AGMO: variants seen among roughly 807,000 people sequenced by gnomAD.
The protein encoded by AGMO is alkylglycerol monooxygenase.
A neutral mutation model predicts 60.2 loss-of-function variants in AGMO; 75 were observed. That is an observed-to-expected ratio of 1.25 (90% CI 1.03 to 1.51). AGMO has a LOEUF of 1.51. Among genes scored for constraint, AGMO ranks in the 40% most tolerant of loss-of-function variants. The pLI is 0.00. For synonymous variants in AGMO, 261 were observed against 177.1 expected, an observed-to-expected ratio of 1.47 and a Z score of -3.76; for missense variants, 763 against 525.5, an observed-to-expected ratio of 1.45 and a Z score of -4.42.
chr7:15,486,364 AC>A (rs1481481143), intron 3 of AGMO, among the ~76,000 whole-genome samples: 2 of 152,226 alleles, frequency 1.3e-5, no homozygotes, highest in East Asian at 1.9e-4. Context: ...TATTAAAAAA[AC>A]ATATTTTCTC....
Position 15,355,230 on chromosome 7 carries a change from C to T in AGMO, c.1263+10284G>A, listed in dbSNP as rs1307810423. The stretch of plus-strand genomic sequence containing the variant: ...TAAAGAAGCCAATATTGGCTGGGCA[C>T]GGTGGCTCACGTCTATAATTCCAGC... On this transcript the variant is annotated intron_variant, in intron 12 of 12. Transcript: ENST00000342526. Among the ~76,000 whole-genome samples the T allele has an allele frequency of 3.3e-5, 5 of 152,002 alleles. No individual in the cohort carries two copies. In the South Asian group the frequency reaches 6.2e-4, roughly 19 times the overall value.
At chr7:15,527,312 G>A (rs1784153168) in intron 3 of AGMO, among the ~76,000 whole-genome samples, 1 of 152,156 alleles carries the variant, frequency 6.6e-6, no homozygotes, top group Non-Finnish European at 1.5e-5. Flanking sequence ...TGATAAGAAA[G>A]CAAAACAGCC....
At chr7:15,137,299 GT>G in the AGMO span, among the ~76,000 whole-genome samples, 1 of 152,032 alleles carries the variant, frequency 6.6e-6, no homozygotes, top group African/African-American at 2.4e-5. Context: ...TTTTTTATAC[GT>G]TTTCCTCAGA....
chr7:15,531,084 ATATATATATTCTATATATATTC>A (rs1252930527), intron 3 of AGMO, among the ~76,000 whole-genome samples: 187 of 5,636 alleles, frequency 0.033, 17 homozygotes, highest in Admixed American at 0.055. Flanking sequence ...TATATATTCT[ATATATATATTCTATATATATTC>A]TATATATATT....
At chr7:15,217,288 T>A (rs1024620100) in intron 12 of AGMO, among the ~76,000 whole-genome samples, 3 of 152,080 alleles carry the variant, frequency 2.0e-5, no homozygotes, top group African/African-American at 7.2e-5. Context: ...CCCAGGGATA[T>A]TGACAATCTC....
the AGMO span, among the ~76,000 whole-genome samples, chr7:15,190,073 CCA>C: frequency 4.1e-3 from 496 of 121,310 alleles, 41 homozygotes; most frequent in African/African-American, 6.5e-3. Flanking sequence ...TTTTTAAGTG[CCA>C]TATATATATA....
intron 12 of AGMO, among the ~76,000 whole-genome samples, chr7:15,355,851 C>T (rs1377274497): frequency 6.6e-6 from 1 of 151,936 alleles, no homozygotes; most frequent in Non-Finnish European, 1.5e-5. Flanking sequence ...TTTCAATAAA[C>T]ATAAATGACA....
chr7:15,136,007 T>C, the AGMO span, among the ~76,000 whole-genome samples: 1 of 150,332 alleles, frequency 6.7e-6, no homozygotes, highest in Non-Finnish European at 1.5e-5. Context: ...GTTTTTTGTT[T>C]TTTGAGACGG....
intron 12 of AGMO, among the ~76,000 whole-genome samples, chr7:15,242,754 C>G (rs763470158): frequency 5.3e-5 from 8 of 152,070 alleles, no homozygotes; most frequent in Non-Finnish European, 8.8e-5. Context: ...GGGGAAAACA[C>G]ATGATAATCT....
intron 8 of AGMO, among the ~76,000 whole-genome samples, chr7:15,389,279 C>T (rs1157470430): frequency 6.8e-6 from 1 of 147,888 alleles, no homozygotes; most frequent in Non-Finnish European, 1.5e-5. Context: ...TTGCAAAGCT[C>T]TGCCCCTAGA....
intron 10 of AGMO, among the ~76,000 whole-genome samples, chr7:15,371,413 A>G (rs1033792537): frequency 6.6e-6 from 1 of 151,008 alleles, no homozygotes; most frequent in African/African-American, 2.4e-5. Context: ...TCTTCGAGAC[A>G]GAATTTCGTT....
At chr7:15,545,530 T>A (rs1011122364) in intron 2 of AGMO, among the ~76,000 whole-genome samples, 100 of 151,978 alleles carry the variant, frequency 6.6e-4, no homozygotes, top group African/African-American at 2.4e-3. Context: ...TCATCAGGTA[T>A]TAGATACTCA....
the AGMO span, among the ~76,000 whole-genome samples, chr7:15,190,147 A>T: frequency 1.2e-3 from 3 of 2,480 alleles, no homozygotes; most frequent in Non-Finnish European, 2.3e-3. Context: ...ATATATATAT[A>T]TATATATATA....
intron 12 of AGMO, among the ~76,000 whole-genome samples, chr7:15,308,458 T>C (rs779135197): frequency 2.5e-4 from 38 of 152,144 alleles, no homozygotes; most frequent in Non-Finnish European, 3.2e-4. Flanking sequence ...GCTTACTATC[T>C]ACCTACATCA....
intron 12 of AGMO, among the ~76,000 whole-genome samples, chr7:15,282,116 C>T (rs182751458): frequency 3.9e-4 from 60 of 152,192 alleles, no homozygotes; most frequent in Non-Finnish European, 6.9e-4. Context: ...AACATATAGT[C>T]TGCCCAAATA....
intron 9 of AGMO, among the ~76,000 whole-genome samples, chr7:15,386,773 T>C (rs556112078): frequency 4.6e-5 from 7 of 152,206 alleles, no homozygotes; most frequent in Non-Finnish European, 1.0e-4. Flanking sequence ...AATCACAACT[T>C]ATATTCTAAA....
At chr7:15,350,516 A>G (rs1455596404) in intron 12 of AGMO, among the ~76,000 whole-genome samples, 1 of 152,086 alleles carries the variant, frequency 6.6e-6, no homozygotes, top group Non-Finnish European at 1.5e-5. Flanking sequence ...ATATTTAGAG[A>G]GCTTACAGTC....
intron 12 of AGMO, among the ~76,000 whole-genome samples, chr7:15,268,285 A>C (rs1262947737): frequency 6.6e-6 from 1 of 152,024 alleles, no homozygotes; most frequent in African/African-American, 2.4e-5. Context: ...AAGTTTTAAA[A>C]GCCTTTCCTT....
intron 6 of AGMO, among the ~76,000 whole-genome samples, chr7:15,393,862 T>C (rs1784252347): frequency 6.6e-6 from 1 of 152,162 alleles, no homozygotes; most frequent in Non-Finnish European, 1.5e-5. Flanking sequence ...ACAGTGGAGC[T>C]AAGATTTAGG....
Sources: allele counts gnomAD v4.1 joint callset (sites outside exome capture counted in the v4.1 genomes callset), GRCh38; gene constraint gnomAD v4.1.1; transcripts MANE v1.5; gene names NCBI Gene and HGNC (gene_info 2026-07-23, HGNC 2026-07-21).